The following PDLIM5 variants were observed in gnomAD, a reference collection of about 807,000 sequenced individuals.
PDLIM5 encodes the protein PDZ and LIM domain protein 5.
In PDLIM5, 34 loss-of-function variants were observed where a neutral mutation model predicts 64.2. The observed-to-expected ratio is 0.53, with a 90% CI of 0.40 to 0.71. PDLIM5 has a LOEUF of 0.71. Ranked by LOEUF, PDLIM5 falls within the 30% of genes least tolerant of loss-of-function variation. The pLI is 0.00. For synonymous variants in PDLIM5, 253 were observed against 269.1 expected (o/e 0.94, Z 0.59); for missense variants, 683 against 733.6 (o/e 0.93, Z 0.80).
At chr4:94,481,290 CT>C (rs35147211) in intron 2 of PDLIM5, among the ~76,000 whole-genome samples, 3,589 of 129,552 alleles carry the variant, frequency 0.028, 38 homozygotes, top group African/African-American at 0.062. Flanking sequence ...CAGCTTATTC[CT>C]TTTTTTTTTT....
intron 2 of PDLIM5, among the ~76,000 whole-genome samples, chr4:94,511,772 C>T (rs192886469): frequency 2.0e-4 from 31 of 152,190 alleles, no homozygotes; most frequent in African/African-American, 5.5e-4. Flanking sequence ...TAATGATCTC[C>T]ACTTCCATTC....
At chr4:94,655,771 G>A (rs541988174) in intron 10 of PDLIM5, among the ~76,000 whole-genome samples, 1 of 152,250 alleles carries the variant, frequency 6.6e-6, no homozygotes, top group African/African-American at 2.4e-5. Context: ...AAAGTTCTGG[G>A]AAATGGAAAT....
intron 3 of PDLIM5, among the ~76,000 whole-genome samples, chr4:94,533,900 A>T (rs1731102214): frequency 6.6e-6 from 1 of 152,256 alleles, no homozygotes. Context: ...AAAGATAATG[A>T]TGCAAGATTT....
chr4:94,552,161 CTT>C (rs35037147), intron 3 of PDLIM5, among the ~76,000 whole-genome samples: 38,008 of 151,910 alleles, frequency 0.25, 5,333 homozygotes, highest in East Asian at 0.41. Context: ...AAAACAAAGA[CTT>C]TGATGGCTAT....
chr4:94,659,726 C>CTACTAGTAGAG (rs1301816984), intron 11 of PDLIM5, among the ~76,000 whole-genome samples: 1 of 151,856 alleles, frequency 6.6e-6, no homozygotes, highest in Non-Finnish European at 1.5e-5. Flanking sequence ...GACGGGGTTT[C>CTACTAGTAGAG]ACCATGTTAG....
At chr4:94,602,921 A>G (rs1257044602) in intron 7 of PDLIM5, among the ~76,000 whole-genome samples, 1 of 152,224 alleles carries the variant, frequency 6.6e-6, no homozygotes, top group Non-Finnish European at 1.5e-5. Flanking sequence ...ATGATGATAC[A>G]TATTAAGCGA....
intron 9 of PDLIM5, 85 bp from the exon 10 acceptor site, chr4:94,654,375 G>A (rs1488910086): frequency 2.4e-6 from 2 of 830,604 alleles, no homozygotes; most frequent in Non-Finnish European, 4.0e-6. Context: ...TTAATTGGTT[G>A]GACATTGCAT....
chr4:94,606,193 T>C (rs1737902174), intron 7 of PDLIM5, among the ~76,000 whole-genome samples: 1 of 152,250 alleles, frequency 6.6e-6, no homozygotes, highest in Non-Finnish European at 1.5e-5. Context: ...ACACTTCATG[T>C]ATATCAGTAA....
chr4:94,661,483 A>G (rs1326798482), intron 11 of PDLIM5, among the ~76,000 whole-genome samples: 1 of 152,250 alleles, frequency 6.6e-6, no homozygotes, highest in African/African-American at 2.4e-5. Flanking sequence ...TCCTGTTAGT[A>G]TTCTTATAAC....
chr4:94,607,815 C>T (rs566342747), intron 7 of PDLIM5, among the ~76,000 whole-genome samples: 1 of 152,108 alleles, frequency 6.6e-6, no homozygotes, highest in South Asian at 2.1e-4. Context: ...CCCCTGTAAG[C>T]GTAATATTTT....
rs574110881 is a variant in PDLIM5, at chr4:94,490,292, A to G, written c.97-33432A>G. Reference sequence around the variant, plus strand: ...CTTGTTTCTGTATAAAATAATATCTAATGATTTTAGATTGCATTATAAATA... The same window carrying G: ...CTTGTTTCTGTATAAAATAATATCTGATGATTTTAGATTGCATTATAAATA... On this transcript the variant is annotated intron_variant, in intron 2 of 12. Transcript: ENST00000317968. 3.3e-5 allele frequency among the ~76,000 whole-genome samples: 5 copies of G among 152,162 alleles called. No homozygotes were observed. In the South Asian group the frequency reaches 8.3e-4, roughly 25 times the overall value.
In PDLIM5 at chr4:94,505,470, C is replaced by T. The variant is rs532423989; in HGVS notation, c.97-18254C>T. On this transcript the variant is annotated intron_variant, in intron 2 of 12. Coordinates refer to ENST00000317968, the MANE Select transcript of PDLIM5 (RefSeq NM_006457.5). The stretch of plus-strand genomic sequence containing the variant: ...AGAGATAGGGTTTTGTCATATTGGC[C>T]AGGCTGATGTTGAACTTCTAGCCTC... 7.2e-5 allele frequency among the ~76,000 whole-genome samples: 11 copies of T among 152,164 alleles called. No individual in the cohort carries two copies. In the East Asian group the frequency reaches 1.9e-3, roughly 27 times the overall value.
intron 7 of PDLIM5, among the ~76,000 whole-genome samples, chr4:94,606,025 A>C (rs1737888426): frequency 1.3e-5 from 2 of 152,096 alleles, no homozygotes; most frequent in African/African-American, 2.4e-5. Flanking sequence ...TCATGTGTCC[A>C]CTTAGGCAAA....
At chr4:94,501,930 AATGGGGTT>A (rs1205014409) in intron 2 of PDLIM5, among the ~76,000 whole-genome samples, 1 of 152,208 alleles carries the variant, frequency 6.6e-6, no homozygotes, top group Non-Finnish European at 1.5e-5. Flanking sequence ...TGAGCCTACT[AATGGGGTT>A]ATGGAGTAAG....
intron 8 of PDLIM5, among the ~76,000 whole-genome samples, chr4:94,637,473 C>T (rs139798458): frequency 1.4e-3 from 209 of 152,254 alleles, no homozygotes; most frequent in Middle Eastern, 6.8e-3. Context: ...GCAGGAGAAT[C>T]ATTTGAACCC....
chr4:94,505,687 CATTT>C (rs1481475830), intron 2 of PDLIM5, among the ~76,000 whole-genome samples: 1 of 152,162 alleles, frequency 6.6e-6, no homozygotes, highest in Admixed American at 6.5e-5. Context: ...TACATTTACC[CATTT>C]ATTATAAAGG....
intron 11 of PDLIM5, among the ~76,000 whole-genome samples, chr4:94,659,443 C>T (rs1198321226): frequency 6.6e-6 from 1 of 151,604 alleles, no homozygotes; most frequent in Non-Finnish European, 1.5e-5. Flanking sequence ...CCTCACCTTC[C>T]TTCCAACCTC....
In PDLIM5 at chr4:94,665,588, C is replaced by T. The variant is rs1317078424; in HGVS notation, c.*1521C>T. 14 of 980,532 alleles carry T rather than the reference C, an allele frequency of 1.4e-5. No homozygotes were observed. The highest frequency in any genetic ancestry group is 1.7e-5 in the Non-Finnish European group (14 of 825,292). The allele number at this position is 980,532 out of a possible 1,614,324, so 60.7% of individuals were successfully genotyped here. On this transcript the variant is annotated 3_prime_UTR_variant, in exon 13 of 13. Coordinates refer to ENST00000317968, the MANE Select transcript of PDLIM5 (RefSeq NM_006457.5). ...ATACCCCCCAATTGTTTTTCAATCC[C>T]CTTTTCTCAAATAATAAATTAGTTA...
Position 94,645,582 on chromosome 4 carries a change from T to C in PDLIM5, c.1283+5132T>C, listed in dbSNP as rs377571994. Among the ~76,000 whole-genome samples, 9 of 152,320 alleles carry C rather than the reference T, an allele frequency of 5.9e-5. 1 individual carries two copies. The highest frequency in any genetic ancestry group is 1.7e-4 in the African/African-American group (7 of 41,574). On this transcript the variant is annotated intron_variant, in intron 9 of 12. Coordinates refer to ENST00000317968, the MANE Select transcript of PDLIM5 (RefSeq NM_006457.5). ...CATTAAATATTTATTGAGGGTCCTATAATGAACCAGGCACTGTTTTATCCC... is the reference window on the plus strand; with the variant it reads ...CATTAAATATTTATTGAGGGTCCTACAATGAACCAGGCACTGTTTTATCCC...
Sources: allele counts gnomAD v4.1 joint callset (sites outside exome capture counted in the v4.1 genomes callset), GRCh38; gene constraint gnomAD v4.1.1; transcripts MANE v1.5; gene names NCBI Gene and HGNC (gene_info 2026-07-23, HGNC 2026-07-21).